LINGO2: variants seen among roughly 807,000 people sequenced by gnomAD.
LINGO2 encodes leucine-rich repeat and immunoglobulin-like domain-containing nogo receptor-interacting protein 2.
LINGO2 carries 14 observed loss-of-function variants against 30.6 expected under a neutral mutation model. That is an observed-to-expected ratio of 0.46 (90% confidence interval 0.30 to 0.72). The LOEUF (loss-of-function observed/expected upper bound fraction) is 0.72. LINGO2 is among the 30% of genes least tolerant of loss of function. The pLI, the probability that LINGO2 is intolerant of heterozygous loss-of-function variation, is 0.07. For synonymous variants in LINGO2, 317 were observed against 288.5 expected (o/e 1.10, Z -1.00); for missense variants, 729 against 751.7 (o/e 0.97, Z 0.35).
chr9:28,449,934 C>T (rs1214317832), intron 2 of LINGO2, among the ~76,000 whole-genome samples: 4 of 151,966 alleles, frequency 2.6e-5, no homozygotes, highest in Non-Finnish European at 5.9e-5. Context: ...ATTTCCTTAT[C>T]CCCTGGTCCT....
chr9:28,830,787 TACACAC>T, the LINGO2 span, among the ~76,000 whole-genome samples: 5 of 152,034 alleles, frequency 3.3e-5, no homozygotes, highest in African/African-American at 1.2e-4. Flanking sequence ...TACATGCTCA[TACACAC>T]ACACATGCAT....
At chr9:28,812,342 G>A in the LINGO2 span, among the ~76,000 whole-genome samples, 1 of 151,856 alleles carries the variant, frequency 6.6e-6, no homozygotes, top group Non-Finnish European at 1.5e-5. Context: ...ATTAATAAAT[G>A]TATCTAAATT....
intron 2 of LINGO2, among the ~76,000 whole-genome samples, chr9:28,398,346 C>G (rs560552211): frequency 6.6e-6 from 1 of 152,248 alleles, no homozygotes; most frequent in Non-Finnish European, 1.5e-5. Flanking sequence ...ATTTTACTTT[C>G]TAGCACAAGT....
intron 1 of LINGO2, among the ~76,000 whole-genome samples, chr9:28,511,565 G>C (rs771804235): frequency 3.3e-5 from 5 of 152,172 alleles, no homozygotes; most frequent in African/African-American, 1.2e-4. Context: ...ATCCTATCCA[G>C]TTGATTATTA....
At chr9:28,768,471 A>G in the LINGO2 span, among the ~76,000 whole-genome samples, 1 of 152,090 alleles carries the variant, frequency 6.6e-6, no homozygotes. Context: ...TTCCTGACCC[A>G]GACTCAAGAT....
the LINGO2 span, among the ~76,000 whole-genome samples, chr9:28,751,249 T>A: frequency 7.7e-6 from 1 of 129,754 alleles, no homozygotes; most frequent in Non-Finnish European, 1.6e-5. Context: ...TATGATTATG[T>A]CACTGCACTC....
the LINGO2 span, among the ~76,000 whole-genome samples, chr9:28,801,060 T>C: frequency 4.5e-4 from 68 of 152,214 alleles, 1 homozygote; most frequent in African/African-American, 1.6e-3. Flanking sequence ...CTAATTACAG[T>C]GGTCCAGTTC....
intron 2 of LINGO2, among the ~76,000 whole-genome samples, chr9:28,448,774 C>T (rs996384407): frequency 2.0e-5 from 3 of 151,982 alleles, no homozygotes; most frequent in African/African-American, 7.2e-5. Flanking sequence ...TAGGATTCTG[C>T]ATCTGGAGAA....
chr9:28,167,806 T>C (rs1318013075), intron 4 of LINGO2, among the ~76,000 whole-genome samples: 3 of 152,222 alleles, frequency 2.0e-5, no homozygotes, highest in Admixed American at 6.5e-5. Flanking sequence ...GTTGCTCAAA[T>C]TGGCATCCTA....
chr9:28,118,079 TG>T (rs1826985641), intron 4 of LINGO2, among the ~76,000 whole-genome samples: 2 of 146,668 alleles, frequency 1.4e-5, no homozygotes, highest in South Asian at 4.3e-4. Flanking sequence ...TGGGGCCTGT[TG>T]GGGGGTGGAG....
At chr9:28,986,176 G>A in the LINGO2 span, among the ~76,000 whole-genome samples, 1 of 151,912 alleles carries the variant, frequency 6.6e-6, no homozygotes, top group Admixed American at 6.6e-5. Context: ...TATATGCCTT[G>A]GTTCATTTCT....
intron 5 of LINGO2, among the ~76,000 whole-genome samples, chr9:28,002,021 C>T (rs542428905): frequency 6.6e-6 from 1 of 152,288 alleles, no homozygotes; most frequent in Non-Finnish European, 1.5e-5. Context: ...TATGGCAAAA[C>T]TTTCATACAT....
At chr9:28,512,776 C>T (rs1820464017) in intron 1 of LINGO2, among the ~76,000 whole-genome samples, 1 of 150,788 alleles carries the variant, frequency 6.6e-6, no homozygotes, top group Non-Finnish European at 1.5e-5. Context: ...CAAGGAGAGC[C>T]AGTCTGAGTC....
At chr9:29,117,156 T>C in the LINGO2 span, among the ~76,000 whole-genome samples, 1 of 152,126 alleles carries the variant, frequency 6.6e-6, no homozygotes, top group Non-Finnish European at 1.5e-5. Context: ...CATTTTGTAA[T>C]AGTAATTGTA....
At chr9:28,431,663 C>T (rs151334080) in intron 2 of LINGO2, among the ~76,000 whole-genome samples, 5 of 152,274 alleles carry the variant, frequency 3.3e-5, no homozygotes, top group African/African-American at 1.2e-4. Flanking sequence ...GTCATTCTCC[C>T]AGTTCATGGC....
At position 28,418,426 on chromosome 9, in the gene LINGO2, C is replaced by T. The variant is rs144012914; in HGVS notation, c.-278-45558G>A. 6.6e-5 allele frequency among the ~76,000 whole-genome samples: 10 copies of T among 151,798 alleles called. No homozygotes were observed. The East Asian group carries it at 1.9e-3, about 30-fold the overall frequency. On this transcript the variant is annotated intron_variant, in intron 2 of 5. Coordinates refer to ENST00000379992, the Ensembl canonical transcript of LINGO2. The stretch of plus-strand genomic sequence containing the variant: ...CCTGAGTCGCTAGGATTACAGGCAC[C>T]CACGACCACGCCAGGCTAATTTTTG...
At chr9:28,733,192 T>C in the LINGO2 span, among the ~76,000 whole-genome samples, 1 of 152,124 alleles carries the variant, frequency 6.6e-6, no homozygotes, top group Non-Finnish European at 1.5e-5. Flanking sequence ...TGCTTATCCG[T>C]TGCAAAACTT....
chr9:28,186,496 A>G (rs73445934), intron 4 of LINGO2, among the ~76,000 whole-genome samples: 1,545 of 152,308 alleles, frequency 0.01, 34 homozygotes, highest in African/African-American at 0.036. Context: ...TGTTCTAGAC[A>G]GATGAGACAA....
At chr9:28,040,417 G>T (rs1257077102) in intron 4 of LINGO2, among the ~76,000 whole-genome samples, 7 of 150,156 alleles carry the variant, frequency 4.7e-5, no homozygotes, top group Non-Finnish European at 5.9e-5. Flanking sequence ...CAAAAAGACA[G>T]CTTGAAGTTT....
Sources: gnomAD v4.1 joint callset for allele counts (sites outside exome capture counted in the v4.1 genomes callset) on GRCh38, gnomAD v4.1.1 for gene constraint, MANE v1.5 for transcripts, NCBI Gene and HGNC (gene_info 2026-07-23, HGNC 2026-07-21) for gene names.